The following KLF7 variants were observed in gnomAD, a reference collection of about 807,000 sequenced individuals.
The protein encoded by KLF7 is Krueppel-like factor 7.
A neutral mutation model predicts 27.3 loss-of-function variants in KLF7; 2 were observed. The observed-to-expected ratio is 0.07, with a 90% CI of 0.03 to 0.23. The LOEUF (loss-of-function observed/expected upper bound fraction) is 0.23. Among genes scored for constraint, KLF7 ranks in the 10% least tolerant of loss-of-function variants. The pLI is 1.00. For synonymous variants in KLF7, 165 were observed against 162.4 expected (o/e 1.02, Z -0.12); for missense variants, 221 against 394.1 (o/e 0.56, Z 3.72).
At chr2:207,136,247 A>C (rs1040415305) in intron 1 of KLF7, among the ~76,000 whole-genome samples, 1 of 152,132 alleles carries the variant, frequency 6.6e-6, no homozygotes, top group Admixed American at 6.5e-5. Flanking sequence ...ATAATCCTTC[A>C]GTGGCCTGTT....
Position 207,088,490 on chromosome 2 carries a change from A to C in KLF7, c.825T>G (p.Gly275=). Residue 275 remains glycine (G), a synonymous_variant, in exon 3 of 4, where the codon GGT becomes GGG. Transcript: ENST00000309446. ...AGTGGTTGCATTTGAAGGGCTTTGC[A>C]CCTGTGTGTTTCCTGTAGTGCCTCG... ...ELTRHYRKHT[G]AKPFKCNHCD... The C allele has an allele frequency of 6.2e-7, 1 of 1,613,962 alleles. No homozygotes were observed. The highest frequency in any genetic ancestry group is 8.5e-7 in the Non-Finnish European group (1 of 1,179,924).
chr2:207,081,284 A>T lies in KLF7; in HGVS notation c.858-20T>A, dbSNP rs1254454772. 1 of 1,602,360 alleles carries T rather than the reference A, an allele frequency of 6.2e-7. No homozygotes were observed. Among genetic ancestry groups the T allele is most frequent in the Non-Finnish European group, 8.6e-7 (1 of 1,169,256 alleles). On this transcript the variant is annotated intron_variant, in intron 3 of 3. Transcript: ENST00000309446. ...AAACACCTAGGAGATATAAACAACA[A>T]GGATATTAGAGAACTCCCAGCAAAC...
chr2:207,168,066 G>A (rs2078756116), upstream of KLF7, among the ~76,000 whole-genome samples: 1 of 144,040 alleles, frequency 6.9e-6, no homozygotes, highest in Non-Finnish European at 1.5e-5. Flanking sequence ...GGGGGGATGG[G>A]CAGGAACCAT....
rs1277352449 is a variant in KLF7, at chr2:207,079,211, A to G, written c.*2002T>C. ...TTTGTGAGGAGGTTCCTTTGCCCTC[A>G]GACGAGTAGTTTCAACATTTCAGTG... On this transcript the variant is annotated 3_prime_UTR_variant, in exon 4 of 4. Transcript: ENST00000309446. 1 of 152,224 alleles carries G rather than the reference A, an allele frequency of 6.6e-6. No individual in the cohort carries two copies. Among genetic ancestry groups the G allele is most frequent in the Non-Finnish European group, 1.5e-5 (1 of 68,028 alleles). The allele number at this position is 152,224 out of a possible 1,614,324, so 9.4% of individuals were successfully genotyped here. A position where few individuals can be genotyped will look rare whatever the true frequency, so the allele number is the denominator to read the frequency against.
chr2:207,099,573 TGAAAAGAG>T (rs2076714758), intron 2 of KLF7, among the ~76,000 whole-genome samples: 6 of 130,608 alleles, frequency 4.6e-5, no homozygotes, highest in South Asian at 4.8e-4. Flanking sequence ...TATATATATA[TGAAAAGAG>T]ATAGATCAAT....
At chr2:207,149,816 G>C (rs1481003673) in intron 1 of KLF7, among the ~76,000 whole-genome samples, 1 of 152,182 alleles carries the variant, frequency 6.6e-6, no homozygotes, top group African/African-American at 2.4e-5. Flanking sequence ...TCCTGGGCTA[G>C]GACAAGAGTC....
At chr2:207,086,649 C>G (rs2076396046) in intron 3 of KLF7, among the ~76,000 whole-genome samples, 1 of 152,214 alleles carries the variant, frequency 6.6e-6, no homozygotes, top group Non-Finnish European at 1.5e-5. Context: ...CCACGTAAAT[C>G]ATACAAAAGA....
At chr2:207,142,440 G>A (rs1017404965) in intron 1 of KLF7, among the ~76,000 whole-genome samples, 3 of 152,312 alleles carry the variant, frequency 2.0e-5, no homozygotes, top group Non-Finnish European at 2.9e-5. Context: ...GACTTCAAGC[G>A]ATTCTAGAGC....
At chr2:207,084,259 C>T (rs2076338247) in intron 3 of KLF7, among the ~76,000 whole-genome samples, 1 of 152,030 alleles carries the variant, frequency 6.6e-6, no homozygotes, top group African/African-American at 2.4e-5. Flanking sequence ...AGTGGGAAAC[C>T]CCTTTCCTTT....
intron 1 of KLF7, among the ~76,000 whole-genome samples, chr2:207,131,271 T>G (rs575593856): frequency 6.6e-6 from 1 of 152,240 alleles, no homozygotes; most frequent in East Asian, 1.9e-4. Flanking sequence ...GCAGGTAAAC[T>G]GCACTTGGCT....
intron 2 of KLF7, among the ~76,000 whole-genome samples, chr2:207,113,785 T>C (rs1206991275): frequency 1.3e-5 from 2 of 151,600 alleles, no homozygotes; most frequent in African/African-American, 4.9e-5. Flanking sequence ...ATTTTCCCCC[T>C]CCCCTTCTCA....
chr2:207,138,939 G>C (rs1415707793), intron 1 of KLF7, among the ~76,000 whole-genome samples: 3 of 152,194 alleles, frequency 2.0e-5, no homozygotes, highest in Admixed American at 1.3e-4. Context: ...TCAATAACTT[G>C]AGTTCTTCCT....
intron 2 of KLF7, among the ~76,000 whole-genome samples, chr2:207,099,551 G>GATATATATAT (rs59383415): frequency 0.02 from 1,125 of 57,530 alleles, 69 homozygotes; most frequent in Middle Eastern, 0.024. Flanking sequence ...CTACATATGC[G>GATATATATAT]ATATATATAT....
rs1404397493 is a variant in KLF7 at position 207,090,220 on chromosome 2, T to C, written c.734-1639A>G. On this transcript the variant is annotated intron_variant, in intron 2 of 3. Coordinates refer to ENST00000309446, the MANE Select transcript of KLF7 (RefSeq NM_003709.4). ...GCTGGAGGCACAGGAGGAAACCCATTCAGTTTTGGAAACCAGGAAAAAAAG... is the reference window on the plus strand; with the variant it reads ...GCTGGAGGCACAGGAGGAAACCCATCCAGTTTTGGAAACCAGGAAAAAAAG... 1.1e-4 allele frequency among the ~76,000 whole-genome samples: 17 copies of C among 152,100 alleles called. 1 individual carries two copies. The highest frequency in any genetic ancestry group is 1.9e-4 in the Non-Finnish European group (13 of 68,024).
Position 207,123,932 on chromosome 2 carries a change from C to G in KLF7, c.575G>C (p.Gly192Ala), listed in dbSNP as rs750610237. 1 of 1,614,002 alleles carries G rather than the reference C, an allele frequency of 6.2e-7. No individual in the cohort carries two copies. The highest frequency in any genetic ancestry group is 2.2e-5 in the East Asian group (1 of 44,886). The change falls in exon 2 of 4, where the codon GGG becomes GCG. Residue 192 changes from glycine (G) to alanine (A), a missense_variant. Gly to Ala is a moderately conservative substitution (Grantham distance 60). Coordinates refer to ENST00000309446, the MANE Select transcript of KLF7 (RefSeq NM_003709.4). ...ATAAAAVTAA[G>A]AVKSGQSDSD... ...GTCGCTCTGTCCACTCTTAACGGCCCCCGCAGCCGTCACGGCTGCTGCAGC... is the reference window on the plus strand; with the variant it reads ...GTCGCTCTGTCCACTCTTAACGGCCGCCGCAGCCGTCACGGCTGCTGCAGC...
At chr2:207,108,474 A>G (rs1350211680) in intron 2 of KLF7, among the ~76,000 whole-genome samples, 1 of 152,238 alleles carries the variant, frequency 6.6e-6, no homozygotes, top group Non-Finnish European at 1.5e-5. Flanking sequence ...AATCCTCAAA[A>G]GAGTGGAGCC....
intron 1 of KLF7, among the ~76,000 whole-genome samples, chr2:207,144,600 A>G (rs929135225): frequency 1.3e-5 from 2 of 152,060 alleles, no homozygotes; most frequent in African/African-American, 2.4e-5. Flanking sequence ...CCCAATGAAC[A>G]CAGGGTGGCT....
chr2:207,081,301 C>T (rs773986862), intron 3 of KLF7, 37 bp from the exon 4 acceptor site: 12 of 1,536,380 alleles, frequency 7.8e-6, no homozygotes, highest in African/African-American at 1.4e-5. Flanking sequence ...TAGAGAACTC[C>T]CAGCAAACAG....
intron 1 of KLF7, among the ~76,000 whole-genome samples, chr2:207,133,109 G>T (rs189377117): frequency 6.6e-6 from 1 of 152,258 alleles, no homozygotes; most frequent in African/African-American, 2.4e-5. Context: ...CAGAGCTGGG[G>T]CCTAGAAGAT....
Sources: gnomAD v4.1 joint callset for allele counts (sites outside exome capture counted in the v4.1 genomes callset) on GRCh38, gnomAD v4.1.1 for gene constraint, MANE v1.5 for transcripts, NCBI Gene and HGNC (gene_info 2026-07-23, HGNC 2026-07-21) for gene names.